Variants in SLC16A1 observed in about 807,000 individuals in gnomAD.
SLC16A1 encodes the protein monocarboxylate transporter 1.
In SLC16A1, 11 loss-of-function variants were observed where a neutral mutation model predicts 32.2. That is an observed-to-expected ratio of 0.34 (90% CI 0.21 to 0.56). The LOEUF is 0.56. Among genes scored for constraint, SLC16A1 ranks in the 20% least tolerant of loss-of-function variants. SLC16A1 has a pLI of 0.87. For synonymous variants in SLC16A1, 231 were observed against 226.8 expected, an observed-to-expected ratio of 1.02 and a Z score of -0.17; for missense variants, 435 against 615.0, an observed-to-expected ratio of 0.71 and a Z score of 3.10.
intron 3 of SLC16A1, 76 bp downstream of exon 3, chr1:112,921,914 C>T (rs1648748333): frequency 3.3e-6 from 5 of 1,514,492 alleles, no homozygotes; most frequent in Non-Finnish European, 3.7e-6. Flanking sequence ...CTCCAGAGAT[C>T]TGAAAGATGA....
intron 1 of SLC16A1, among the ~76,000 whole-genome samples, chr1:112,930,968 C>A (rs1472991453): frequency 1.3e-5 from 2 of 152,200 alleles, no homozygotes; most frequent in Non-Finnish European, 2.9e-5. Context: ...ATCCACCCAC[C>A]TTGGCCTCCC....
intron 2 of SLC16A1, among the ~76,000 whole-genome samples, chr1:112,922,986 C>T (rs2101627253): frequency 6.6e-6 from 1 of 152,002 alleles, no homozygotes; most frequent in East Asian, 2.0e-4. Flanking sequence ...ATCTCGCTTA[C>T]TGTAAGCTCC....
intron 3 of SLC16A1, among the ~76,000 whole-genome samples, chr1:112,918,649 G>A (rs1025386865): frequency 2.0e-5 from 3 of 152,052 alleles, no homozygotes; most frequent in Non-Finnish European, 2.9e-5. Flanking sequence ...AAAGTAATTC[G>A]AAAATTAGTC....
At position 112,929,151 on chromosome 1, in the gene SLC16A1, G is replaced by C. The variant is rs369641230; in HGVS notation, c.158C>G (p.Ala53Gly). Residue 53 changes from alanine (A) to glycine (G), a missense_variant, in exon 2 of 5, where the codon GCC becomes GGC. Physicochemically the swap from Ala to Gly is moderately conservative, Grantham distance 60 (BLOSUM62 0). Transcript: ENST00000369626. ...FFKEIEGIFH[A>G]TTSEVSWISS... ...TATCCATGACACTTCGCTGGTGGTG[G>C]CATGGAATATACCTTCAATCTCTTT... 3 of 1,614,060 alleles carry C rather than the reference G, an allele frequency of 1.9e-6. No individual in the cohort carries two copies. Among genetic ancestry groups the C allele is most frequent in the Non-Finnish European group, 1.7e-6 (2 of 1,179,998 alleles).
intron 1 of SLC16A1, among the ~76,000 whole-genome samples, chr1:112,951,524 G>A (rs1283755698): frequency 6.6e-6 from 1 of 152,096 alleles, no homozygotes; most frequent in Admixed American, 6.6e-5. Context: ...CTGTCCTTGA[G>A]GAACTTACAA....
intron 1 of SLC16A1, among the ~76,000 whole-genome samples, chr1:112,933,701 A>T (rs573690332): frequency 6.6e-6 from 1 of 152,314 alleles, no homozygotes; most frequent in Non-Finnish European, 1.5e-5. Context: ...TTAAAATCAC[A>T]ATCTAATACA....
intron 4 of SLC16A1, among the ~76,000 whole-genome samples, chr1:112,916,520 A>C (rs1478428067): frequency 2.0e-5 from 3 of 151,574 alleles, no homozygotes; most frequent in African/African-American, 7.3e-5. Context: ...AAAAAAAAAA[A>C]AACTTATGTG....
intron 1 of SLC16A1, among the ~76,000 whole-genome samples, chr1:112,943,810 A>AT (rs1205707358): frequency 1.4e-5 from 2 of 147,314 alleles, no homozygotes; most frequent in African/African-American, 5.1e-5. Context: ...AAAAAAAAAG[A>AT]TTGCAAACTA....
rs531389492 is a variant in SLC16A1 at position 112,913,002 on chromosome 1, T to C, written c.*889A>G. ...GAATTCAGCTGATGTTTGAAATATC[T>C]GTCTACATTTAATTAGATGTGTTGT... On this transcript the variant is annotated 3_prime_UTR_variant, in exon 5 of 5. Transcript: ENST00000369626. 5.9e-5 allele frequency: 9 copies of C among 152,354 alleles called. No individual in the cohort carries two copies. The highest frequency in any genetic ancestry group is 2.2e-4 in the African/African-American group (9 of 41,596). 9.4% of individuals were successfully genotyped at this position (152,354 alleles called of 1,614,324 possible). A position where few individuals can be genotyped will look rare whatever the true frequency, so the allele number is the denominator to read the frequency against.
At position 112,914,029 on chromosome 1, in the gene SLC16A1, G is replaced by A. The variant is rs142145546; in HGVS notation, c.1365C>T (p.Asn455=). The stretch of plus-strand genomic sequence containing the variant: ...CCTCTTTACTTTCCTTTTTCTGCTC[G>A]TTTGCTTTCTGTTCTTTTGCCAAAA... ...YRLLAKEQKA[N]EQKKESKEEE... is the part of the protein sequence containing the mutation. The change falls in exon 5 of 5, where the codon AAC becomes AAT. Residue 455 remains asparagine, a synonymous_variant. Coordinates refer to ENST00000369626, the MANE Select transcript of SLC16A1 (RefSeq NM_003051.4). 117 of 1,613,902 alleles carry A rather than the reference G, an allele frequency of 7.2e-5. No individual in the cohort carries two copies. The African/African-American group carries it at 1.2e-3, about 17-fold the overall frequency.
chr1:112,922,188 C>T, intron 2 of SLC16A1, 55 bp from the exon 3 acceptor site: 2 of 1,537,640 alleles, frequency 1.3e-6, no homozygotes, highest in Non-Finnish European at 1.8e-6. Flanking sequence ...CTCACATCTA[C>T]ACAAGTATGA....
At chr1:112,931,598 T>C (rs1183233666) in intron 1 of SLC16A1, among the ~76,000 whole-genome samples, 1 of 133,342 alleles carries the variant, frequency 7.5e-6, no homozygotes, top group African/African-American at 3.0e-5. Flanking sequence ...TGAGCCGGGA[T>C]CATGCCACTG....
intron 1 of SLC16A1, among the ~76,000 whole-genome samples, chr1:112,954,436 T>C (rs1650007384): frequency 1.3e-5 from 2 of 152,218 alleles, no homozygotes; most frequent in African/African-American, 4.8e-5. Context: ...TTTCCTTATG[T>C]GTAAAACAAG....
At chr1:112,937,348 G>C (rs1649342236) in intron 1 of SLC16A1, among the ~76,000 whole-genome samples, 1 of 152,106 alleles carries the variant, frequency 6.6e-6, no homozygotes, top group Non-Finnish European at 1.5e-5. Context: ...GCCAAAATTA[G>C]ATTTAAAGCC....
chr1:112,921,022 T>G (rs867468862), intron 3 of SLC16A1, among the ~76,000 whole-genome samples: 13 of 151,938 alleles, frequency 8.6e-5, no homozygotes, highest in African/African-American at 3.1e-4. Flanking sequence ...GCACCTGCAG[T>G]TCCAGGTACT....
Position 112,917,370 on chromosome 1 carries a change from G to A in SLC16A1, c.1036C>T (p.Leu346=), listed in dbSNP as rs754712133. The change falls in exon 4 of 5, where the codon CTA becomes TTA. Residue 346 remains leucine, a synonymous_variant. Coordinates refer to ENST00000369626, the MANE Select transcript of SLC16A1 (RefSeq NM_003051.4). The surrounding 1 kb of genome is among the most constrained non-coding windows in gnomAD (Gnocchi z 4.1). The part of the protein sequence containing the change: ...SVVANGVCHM[L]APLSTTYVGF... ...ACATAGGTAGTGGATAAAGGTGCTA[G>A]CATATGACACACTCCATTTGCAACA... The A allele has an allele frequency of 6.2e-7, 1 of 1,614,212 alleles. No individual in the cohort carries two copies. The highest frequency in any genetic ancestry group is 1.7e-5 in the Admixed American group (1 of 60,020).
intron 4 of SLC16A1, among the ~76,000 whole-genome samples, chr1:112,915,859 G>A (rs897979328): frequency 1.3e-5 from 2 of 152,192 alleles, no homozygotes; most frequent in Non-Finnish European, 2.9e-5. Flanking sequence ...TAAAGTATGA[G>A]TCACATCCAG....
chr1:112,948,840 TA>T (rs1649791016), intron 1 of SLC16A1, among the ~76,000 whole-genome samples: 1 of 151,408 alleles, frequency 6.6e-6, no homozygotes, highest in Non-Finnish European at 1.5e-5. Flanking sequence ...TTTATTTTAT[TA>T]TTTTTTTGAG....
Position 112,917,311 on chromosome 1 carries a change from A to C in SLC16A1, c.1095T>G (p.Phe365Leu). ...GFCVYAGFFGFAFGWLSSVLF... is the reference protein window; with the variant it reads ...GFCVYAGFFGLAFGWLSSVLF... ...ATACGGAGCTGAGCCACCCGAAGGC[A>C]AATCCAAAGAATCCCGCATAGACAC... The change falls in exon 4 of 5, where the codon TTT (phenylalanine) becomes TTG (leucine). Residue 365 changes from phenylalanine (F) to leucine (L), a missense_variant. Around this residue, in one of 2 missense-constraint regions of SLC16A1, gnomAD observed 324 missense variants for 500.3 expected, o/e 0.65. Coordinates refer to ENST00000369626, the MANE Select transcript of SLC16A1 (RefSeq NM_003051.4). The surrounding 1 kb of genome is among the most constrained non-coding windows in gnomAD (Gnocchi z 4.1). The C allele has an allele frequency of 1.2e-6, 2 of 1,614,218 alleles. No individual in the cohort carries two copies. The highest frequency in any genetic ancestry group is 2.2e-5 in the East Asian group (1 of 44,878).
Sources: allele counts gnomAD v4.1 joint callset (sites outside exome capture counted in the v4.1 genomes callset), GRCh38; gene constraint gnomAD v4.1.1; regional missense constraint gnomAD v4.1.1; non-coding constraint Gnocchi (gnomAD v3.1); transcripts MANE v1.5; gene names NCBI Gene and HGNC (gene_info 2026-07-23, HGNC 2026-07-21).